The following TSHZ3 variants were observed in gnomAD, a reference collection of about 807,000 sequenced individuals.
TSHZ3 encodes the protein teashirt homolog 3.
In TSHZ3, 10 loss-of-function variants were observed where a neutral mutation model predicts 64.5. The observed-to-expected ratio is 0.16, with a 90% CI of 0.10 to 0.26. TSHZ3 has a LOEUF of 0.26. Among genes scored for constraint, TSHZ3 ranks in the 10% least tolerant of loss-of-function variants. The probability of loss-of-function intolerance (pLI) is 1.00; values close to 1 mark genes in which losing one functional copy is unlikely to be tolerated. For missense variants in TSHZ3, 1,242 were observed against 1,421.7 expected, an observed-to-expected ratio of 0.87 and a Z score of 2.03; for synonymous variants, 608 against 593.1, an observed-to-expected ratio of 1.03 and a Z score of -0.36.
At chr19:31,248,560 G>A (rs1975788605) in intron 1 of TSHZ3, among the ~76,000 whole-genome samples, 1 of 151,682 alleles carries the variant, frequency 6.6e-6, no homozygotes, top group African/African-American at 2.4e-5. Context: ...TGTCATCCCA[G>A]CACTTGGGCC....
At chr19:31,172,848 A>T (rs543392967) in intron 5 of TSHZ3, among the ~76,000 whole-genome samples, 70 of 152,318 alleles carry the variant, frequency 4.6e-4, no homozygotes, top group African/African-American at 1.6e-3. Flanking sequence ...AATCTTAGGG[A>T]GAGAGGCAAA....
At chr19:31,249,824 C>T (rs1975811891) in intron 1 of TSHZ3, among the ~76,000 whole-genome samples, 1 of 152,210 alleles carries the variant, frequency 6.6e-6, no homozygotes, top group South Asian at 2.1e-4. Flanking sequence ...GTAAAGACAG[C>T]ACTGTCCAGT....
rs1305372979 is a variant in TSHZ3 at position 31,341,807 on chromosome 19, T to G, written c.40+7373A>C. Among the ~76,000 whole-genome samples, 5 of 152,216 alleles carry G rather than the reference T, an allele frequency of 3.3e-5. No individual in the cohort carries two copies. The East Asian group carries it at 9.6e-4, about 29-fold the overall frequency. On this transcript the variant is annotated intron_variant, in intron 1 of 1. Coordinates refer to ENST00000240587, the MANE Select transcript of TSHZ3 (RefSeq NM_020856.4). The stretch of plus-strand genomic sequence containing the variant: ...CCTGGTTCCACGGCTACTTCTGAAG[T>G]GTTTACCTCTCTGGTCTACTCAGAA...
In TSHZ3 at chr19:31,156,393, C is replaced by T. The variant is rs75805405; in HGVS notation, n.834G>A. 3.6e-4 allele frequency among the ~76,000 whole-genome samples: 55 copies of T among 152,216 alleles called. 2 individuals carry two copies. The highest frequency in any genetic ancestry group is 1.9e-3 in the Admixed American group (29 of 15,306). On this transcript the variant is annotated non_coding_transcript_exon_variant, in exon 6 of 7. Transcript: ENST00000651361. ...TAAAGGCAGTAGGTCTTCCCGATTCCGATGCCCACAGTTCTTTGTTCTCCC... is the reference window on the plus strand; with the variant it reads ...TAAAGGCAGTAGGTCTTCCCGATTCTGATGCCCACAGTTCTTTGTTCTCCC...
intron 5 of TSHZ3, among the ~76,000 whole-genome samples, chr19:31,201,338 T>C (rs1475592192): frequency 1.3e-5 from 2 of 152,186 alleles, no homozygotes; most frequent in African/African-American, 2.4e-5. Context: ...TAAATGTTCA[T>C]GTTAAATCTA....
upstream of TSHZ3, among the ~76,000 whole-genome samples, chr19:31,350,150 C>T (rs1472312596): frequency 6.7e-6 from 1 of 149,988 alleles, no homozygotes; most frequent in Non-Finnish European, 1.5e-5. Context: ...GCGTGGTCCC[C>T]GGGCCGGGGC....
intron 1 of TSHZ3, among the ~76,000 whole-genome samples, chr19:31,243,588 A>G (rs1975724371): frequency 6.6e-6 from 1 of 152,096 alleles, no homozygotes. Context: ...CCGCCTGCAT[A>G]TGGGATGAGT....
chr19:31,183,218 C>T (rs201841771), intron 5 of TSHZ3, among the ~76,000 whole-genome samples: 61,483 of 130,810 alleles, frequency 0.47, 13,860 homozygotes, highest in Non-Finnish European at 0.53. Context: ...CTCTCTCTCT[C>T]TCTCTCTCTT....
chr19:31,179,463 A>G (rs1974664777), intron 5 of TSHZ3, among the ~76,000 whole-genome samples: 1 of 152,226 alleles, frequency 6.6e-6, no homozygotes, highest in Non-Finnish European at 1.5e-5. Flanking sequence ...TGAAGTCCAC[A>G]TTGGTCAGCT....
At chr19:31,316,787 G>GAAACA (rs1916615313) in intron 1 of TSHZ3, among the ~76,000 whole-genome samples, 1 of 152,022 alleles carries the variant, frequency 6.6e-6, no homozygotes, top group South Asian at 2.1e-4. Context: ...GAGAGAAGGA[G>GAAACA]AAACAGGCAG....
Position 31,284,084 on chromosome 19 carries a change from T to C in TSHZ3, c.41-4332A>G, listed in dbSNP as rs1156452778. ...CAGTATTTGAGAGTATTTAAATTCC[T>C]TGTTGCTACTTAACTTTCTGTGCAT... On this transcript the variant is annotated intron_variant, in intron 1 of 1. Transcript: ENST00000240587. Among the ~76,000 whole-genome samples the C allele has an allele frequency of 2.6e-5, 4 of 152,284 alleles. 1 individual carries two copies. The highest frequency in any genetic ancestry group is 3.9e-4 in the East Asian group (2 of 5,180).
chr19:31,341,640 C>CTG (rs1917442442), intron 1 of TSHZ3, among the ~76,000 whole-genome samples: 1 of 133,188 alleles, frequency 7.5e-6, no homozygotes, highest in African/African-American at 4.0e-5. Flanking sequence ...GACACACACA[C>CTG]ACACACACAC....
At chr19:31,211,859 A>G (rs1364685037) in intron 4 of TSHZ3, among the ~76,000 whole-genome samples, 1 of 152,124 alleles carries the variant, frequency 6.6e-6, no homozygotes, top group African/African-American at 2.4e-5. Context: ...ACAGCAACAG[A>G]AGGATCAAGG....
chr19:31,331,976 C>G (rs1917108887), intron 1 of TSHZ3, among the ~76,000 whole-genome samples: 1 of 152,100 alleles, frequency 6.6e-6, no homozygotes, highest in African/African-American at 2.4e-5. Context: ...GAAGATGTCC[C>G]CCATAAAACC....
At chr19:31,263,691 G>GT (rs570957946) in intron 1 of TSHZ3, among the ~76,000 whole-genome samples, 1 of 152,136 alleles carries the variant, frequency 6.6e-6, no homozygotes, top group East Asian at 1.9e-4. Flanking sequence ...GATCCTGTGG[G>GT]TCCCCCCCAC....
downstream of TSHZ3, among the ~76,000 whole-genome samples, chr19:31,149,894 G>A (rs1599547802): frequency 6.6e-6 from 1 of 152,216 alleles, no homozygotes; most frequent in East Asian, 1.9e-4. Flanking sequence ...AATCATAGAG[G>A]GTCATGTTAG....
At chr19:31,233,405 G>A (rs148677180) in intron 3 of TSHZ3, among the ~76,000 whole-genome samples, 1 of 152,230 alleles carries the variant, frequency 6.6e-6, no homozygotes, top group East Asian at 1.9e-4. Context: ...TTTGTGAAAT[G>A]CCTATTCAGA....
At chr19:31,267,124 C>A (rs536682080) in intron 1 of TSHZ3, among the ~76,000 whole-genome samples, 2 of 152,318 alleles carry the variant, frequency 1.3e-5, no homozygotes, top group South Asian at 4.1e-4. Flanking sequence ...AGCTTGACTC[C>A]AAACTTATGA....
chr19:31,287,844 C>T (rs1258100771), intron 1 of TSHZ3, among the ~76,000 whole-genome samples: 4 of 152,282 alleles, frequency 2.6e-5, no homozygotes, highest in South Asian at 4.1e-4. Context: ...CTAGGGGAGC[C>T]GCTATGGGTC....
Sources: allele counts gnomAD v4.1 joint callset (sites outside exome capture counted in the v4.1 genomes callset), GRCh38; gene constraint gnomAD v4.1.1; transcripts MANE v1.5; gene names NCBI Gene and HGNC (gene_info 2026-07-23, HGNC 2026-07-21).